The following HTATIP2 variants were observed in gnomAD, a reference collection of about 807,000 sequenced individuals.
HTATIP2 encodes the protein HIV-1 Tat interactive protein 2.
A neutral mutation model predicts 24.7 loss-of-function variants in HTATIP2; 26 were observed. That is an observed-to-expected ratio of 1.05 (90% CI 0.77 to 1.46). The LOEUF (loss-of-function observed/expected upper bound fraction) is 1.46. HTATIP2 is among the 40% of genes most tolerant of loss of function. The pLI is 0.00. For missense variants in HTATIP2, 284 were observed against 289.6 expected (o/e 0.98, Z 0.14); for synonymous variants, 99 against 113.2 (o/e 0.87, Z 0.79).
At chr11:20,370,648 T>C (rs903997528) in intron 2 of HTATIP2, among the ~76,000 whole-genome samples, 1 of 152,240 alleles carries the variant, frequency 6.6e-6, no homozygotes, top group African/African-American at 2.4e-5. Flanking sequence ...AGAATGTCTT[T>C]ATGTATATAT....
intron 2 of HTATIP2, among the ~76,000 whole-genome samples, chr11:20,372,430 A>C (rs1038982628): frequency 6.6e-6 from 1 of 152,216 alleles, no homozygotes; most frequent in African/African-American, 2.4e-5. Context: ...GTCGTTGGAG[A>C]ATTTGCTGCC....
In HTATIP2 at chr11:20,372,803, G is replaced by A. The variant is rs372339477; in HGVS notation, c.304-3777G>A. 1.3e-4 allele frequency among the ~76,000 whole-genome samples: 20 copies of A among 152,098 alleles called. 1 individual carries two copies. The East Asian group carries it at 2.7e-3, about 21-fold the overall frequency. On this transcript the variant is annotated intron_variant, in intron 2 of 4. Transcript: ENST00000451739. ...AATAAAGGGCATGAATAAGATTTTC[G>A]AGATCGCTCCTTTCATCTGTAAATA...
intron 2 of HTATIP2, among the ~76,000 whole-genome samples, chr11:20,371,205 T>G (rs2064768813): frequency 4.1e-5 from 1 of 24,582 alleles, no homozygotes; most frequent in African/African-American, 8.2e-5. Flanking sequence ...TGTTCTAATC[T>G]CTGTTGTTTA....
At chr11:20,369,842 T>A (rs934647175) in intron 2 of HTATIP2, among the ~76,000 whole-genome samples, 2 of 152,242 alleles carry the variant, frequency 1.3e-5, no homozygotes, top group Admixed American at 6.5e-5. Flanking sequence ...TGGGGGGATG[T>A]AATCCAACCC....
chr11:20,373,271 G>A (rs1377666806), intron 2 of HTATIP2, among the ~76,000 whole-genome samples: 1 of 152,152 alleles, frequency 6.6e-6, no homozygotes, highest in East Asian at 1.9e-4. Flanking sequence ...AAGGAAGGAC[G>A]CCAAAGTCTG....
chr11:20,364,253 G>A lies in HTATIP2; in HGVS notation c.16G>A (p.Ala6Thr), dbSNP rs533828029. 45 of 1,605,490 alleles carry A rather than the reference G, an allele frequency of 2.8e-5. No individual in the cohort carries two copies. The highest frequency in any genetic ancestry group is 1.7e-4 in the Admixed American group (10 of 59,544). Residue 6 changes from alanine to threonine, a missense_variant, in exon 1 of 5, where the codon GCC (alanine) becomes ACC (threonine). Transcript: ENST00000451739. ...TTTCCCCAGCATGGCCGAAACAGAA[G>A]CCCTGTCGAAGCTTCGGGAAGACTT... MAETE[A>T]LSKLREDFRM... is the part of the protein sequence containing the mutation.
chr11:20,382,927 A>G, intron 4 of HTATIP2, 53 bp from the exon 5 acceptor site: 1 of 1,410,618 alleles, frequency 7.1e-7, no homozygotes, highest in Non-Finnish European at 9.6e-7. Flanking sequence ...TCTCAGTGCA[A>G]TTTACCACCT....
intron 2 of HTATIP2, among the ~76,000 whole-genome samples, chr11:20,372,160 G>T (rs1397385313): frequency 6.6e-6 from 1 of 152,040 alleles, no homozygotes; most frequent in Non-Finnish European, 1.5e-5. Flanking sequence ...TGTTGCCAAG[G>T]CTAGACTCAA....
chr11:20,365,142 C>G (rs183358624), intron 1 of HTATIP2, among the ~76,000 whole-genome samples: 4 of 152,114 alleles, frequency 2.6e-5, no homozygotes, highest in Non-Finnish European at 4.4e-5. Context: ...CGTCACCACT[C>G]CTGGCTAACT....
chr11:20,367,196 A>G lies in HTATIP2; in HGVS notation c.218A>G (p.Glu73Gly). The change falls in exon 2 of 5, where the codon GAA (glutamate) becomes GGA (glycine). Residue 73 changes from glutamate (E) to glycine (G), a missense_variant. By Grantham distance (98) the Glu-to-Gly change is moderately conservative (BLOSUM62 -2). Transcript: ENST00000451739. ...TAGAATCAAGAAGTGGTGGACTTTGAAAAGTTGGATGACTACGCCTCTGCC... is the reference window on the plus strand; with the variant it reads ...TAGAATCAAGAAGTGGTGGACTTTGGAAAGTTGGATGACTACGCCTCTGCC... ...KNVNQEVVDFEKLDDYASAFQ... is the reference protein window; with the variant it reads ...KNVNQEVVDFGKLDDYASAFQ... 6.2e-7 allele frequency: 1 copy of G among 1,614,116 alleles called. No individual in the cohort carries two copies. Among genetic ancestry groups the G allele is most frequent in the Non-Finnish European group, 8.5e-7 (1 of 1,180,022 alleles).
At position 20,383,152 on chromosome 11, in the gene HTATIP2, G is replaced by T. The variant is rs768795404; in HGVS notation, c.676G>T (p.Glu226Ter). The T allele has an allele frequency of 1.2e-6, 2 of 1,613,944 alleles. No individual in the cohort carries two copies. The highest frequency in any genetic ancestry group is 3.3e-5 in the Admixed American group (2 of 60,004). ...AAGAGACAAGCAGATGGAACTGCTG[G>T]AGAACAAGGCCATCCATGACCTGGG... Reference protein sequence around the residue: ...RPRDKQMELLENKAIHDLGKA... With the variant: ...RPRDKQMELL The change falls in exon 5 of 5, where the codon GAG (glutamate) becomes TAG (stop). Residue 226 changes from glutamate to a stop codon, truncating the protein, a stop_gained. Coordinates refer to ENST00000451739, the MANE Select transcript of HTATIP2 (RefSeq NM_001098522.2). LOFTEE classifies it high-confidence loss of function.
At position 20,366,378 on chromosome 11, in the gene HTATIP2, TA is replaced by T. The variant is rs140208088; in HGVS notation, c.196-794del. On this transcript the variant is annotated intron_variant, in intron 1 of 4. Transcript: ENST00000451739. The stretch of plus-strand genomic sequence containing the variant: ...CCTCAGCCTCCCAAAGTGCTGGGAT[TA>T]ACAGTGAAACCCTATTTTTCTTTAG... 9.8e-3 allele frequency among the ~76,000 whole-genome samples: 1,486 copies of T among 152,210 alleles called. 26 individuals are homozygous for T. Among genetic ancestry groups the T allele is most frequent in the African/African-American group, 0.034 (1,413 of 41,532 alleles).
chr11:20,365,052 C>T (rs1031919589), intron 1 of HTATIP2, among the ~76,000 whole-genome samples: 9 of 149,304 alleles, frequency 6.0e-5, no homozygotes, highest in Non-Finnish European at 8.9e-5. Flanking sequence ...GGCACGATCT[C>T]GGCTCAGTGC....
In HTATIP2 at chr11:20,364,279, C is replaced by A. The variant is rs866764307; in HGVS notation, c.42C>A (p.Phe14Leu). The A allele has an allele frequency of 1.9e-6, 3 of 1,612,852 alleles. No individual in the cohort carries two copies. The highest frequency in any genetic ancestry group is 1.3e-5 in the African/African-American group (1 of 75,036). ...CCCTGTCGAAGCTTCGGGAAGACTTCAGGATGCAGAATAAATCCGTCTTTA... is the reference window on the plus strand; with the variant it reads ...CCCTGTCGAAGCTTCGGGAAGACTTAAGGATGCAGAATAAATCCGTCTTTA... ...TEALSKLRED[F>L]RMQNKSVFIL... Residue 14 changes from phenylalanine to leucine, a missense_variant, in exon 1 of 5, where the codon TTC becomes TTA. Coordinates refer to ENST00000451739, the MANE Select transcript of HTATIP2 (RefSeq NM_001098522.2).
rs1848547804 is a variant in HTATIP2 at position 20,383,133 on chromosome 11, C to T, written c.657C>T (p.Asp219=). 3 of 1,613,950 alleles carry T rather than the reference C, an allele frequency of 1.9e-6. No homozygotes were observed. The highest frequency in any genetic ancestry group is 2.5e-6 in the Non-Finnish European group (3 of 1,179,996). The change falls in exon 5 of 5, where the codon GAC becomes GAT. Residue 219 remains aspartate (D), a synonymous_variant. Transcript: ENST00000451739. The part of the protein sequence containing the change: ...AMLNNVVRPR[D]KQMELLENKA... ...TGAACAATGTGGTGAGACCAAGAGA[C>T]AAGCAGATGGAACTGCTGGAGAACA...
chr11:20,367,220 C>T lies in HTATIP2; in HGVS notation c.242C>T (p.Ala81Val), dbSNP rs144136689. Residue 81 changes from alanine to valine, a missense_variant, in exon 2 of 5, where the codon GCC becomes GTC. Ala to Val is a moderately conservative substitution (Grantham distance 64, BLOSUM62 0). Coordinates refer to ENST00000451739, the MANE Select transcript of HTATIP2 (RefSeq NM_001098522.2). ...DFEKLDDYASAFQGHDVGFCC... is the reference protein window; with the variant it reads ...DFEKLDDYASVFQGHDVGFCC... ...GAAAAGTTGGATGACTACGCCTCTG[C>T]CTTTCAAGGTCATGATGTTGGATTC... The T allele has an allele frequency of 2.5e-6, 4 of 1,614,096 alleles. No individual in the cohort carries two copies. The African/African-American group carries it at 5.3e-5, about 22-fold the overall frequency.
chr11:20,368,430 C>A (rs1376775714), intron 2 of HTATIP2, among the ~76,000 whole-genome samples: 1 of 152,180 alleles, frequency 6.6e-6, no homozygotes, highest in African/African-American at 2.4e-5. Context: ...CCTATCTGTC[C>A]TGGAACACAG....
At chr11:20,373,380 G>T (rs1016011899) in intron 2 of HTATIP2, among the ~76,000 whole-genome samples, 4 of 152,122 alleles carry the variant, frequency 2.6e-5, no homozygotes, top group Non-Finnish European at 5.9e-5. Flanking sequence ...AATTGGAGAC[G>T]ACAGCACTCT....
intron 3 of HTATIP2, among the ~76,000 whole-genome samples, chr11:20,378,588 CT>C (rs1848476968): frequency 6.6e-6 from 1 of 152,106 alleles, no homozygotes; most frequent in Admixed American, 6.5e-5. Flanking sequence ...AAGATATTTC[CT>C]CATTGTTAAA....
Sources: gnomAD v4.1 joint callset for allele counts (sites outside exome capture counted in the v4.1 genomes callset) on GRCh38, gnomAD v4.1.1 for gene constraint, MANE v1.5 for transcripts, NCBI Gene and HGNC (gene_info 2026-07-23, HGNC 2026-07-21) for gene names.